CSNK1E: variants seen among roughly 807,000 people sequenced by gnomAD.
CSNK1E encodes casein kinase 1 epsilon, also known as casein kinase I isoform epsilon.
CSNK1E carries 17 observed loss-of-function variants against 46.1 expected under a neutral mutation model. The ratio of observed to expected loss-of-function variants is 0.37; its 90% CI spans 0.25 to 0.55. The LOEUF (loss-of-function observed/expected upper bound fraction) is 0.55, where lower values mean the gene tolerates loss of function less well. Ranked by LOEUF, CSNK1E falls within the 20% of genes least tolerant of loss-of-function variation. The pLI is 0.82. For synonymous variants in CSNK1E, 241 were observed against 242.6 expected, an observed-to-expected ratio of 0.99 and a Z score of 0.06; for missense variants, 386 against 595.4, an observed-to-expected ratio of 0.65 and a Z score of 3.66.
rs1315927049 is a variant in CSNK1E, at chr22:38,317,162, C to G, written c.-15G>C. On this transcript the variant is annotated splice_region_variant and 5_prime_UTR_variant, in exon 1 of 11. Transcript: ENST00000396832. Reference sequence around the variant, plus strand: ...GCCCGCGGCCCCCCGATATTTACCCCGCCGGGAAGGCGCCGATGCCGGGCC... The same window carrying G: ...GCCCGCGGCCCCCCGATATTTACCCGGCCGGGAAGGCGCCGATGCCGGGCC... 1.3e-5 allele frequency: 2 copies of G among 151,374 alleles called. No homozygotes were observed. The highest frequency in any genetic ancestry group is 6.6e-5 in the Admixed American group (1 of 15,196). The allele number at this position is 151,374 out of a possible 1,614,324, so 9.4% of individuals were successfully genotyped here.
At chr22:38,292,957 A>G in intron 10 of CSNK1E, 1 of 423,908 alleles carries the variant, frequency 2.4e-6, no homozygotes, top group Non-Finnish European at 4.3e-6. Flanking sequence ...GCTGGGAACC[A>G]ACCTTCCAAA....
intron 1 of CSNK1E, among the ~76,000 whole-genome samples, chr22:38,316,380 C>G (rs1242120747): frequency 1.3e-5 from 2 of 152,184 alleles, no homozygotes; most frequent in Non-Finnish European, 2.9e-5. Flanking sequence ...TCTCCTCTCT[C>G]CAAATCCTTC....
In CSNK1E at chr22:38,293,296, G is replaced by A. The variant is rs532233715; in HGVS notation, c.1242C>T (p.Leu414=). Residue 414 remains leucine (L), a synonymous_variant, in exon 10 of 11, where the codon CTC becomes CTT. Transcript: ENST00000396832. ...CCAATGGGGGCTCTCCTCACTTCCC[G>A]AGATGGTCAAATGGCACACTTGTCT... is the stretch of plus-strand genomic sequence containing the variant. ...ASQTSVPFDH[L]GK The A allele has an allele frequency of 1.1e-4, 181 of 1,612,586 alleles. No homozygotes were observed. The East Asian group carries it at 3.3e-3, about 30-fold the overall frequency.
Position 38,298,277 on chromosome 22 carries a change from C to T in CSNK1E, c.885+509G>A. The T allele has an allele frequency of 8.6e-7, 1 of 1,164,356 alleles. No homozygotes were observed. The highest frequency in any genetic ancestry group is 1.1e-6 in the Non-Finnish European group (1 of 875,068). The allele number at this position is 1,164,356 out of a possible 1,614,324, so 72.1% of individuals were successfully genotyped here. ...GAGCTCTGGGTACGGCCGGCCAATG[C>T]TGCTCCCCACCCAACCCCACCCCTG... On this transcript the variant is annotated intron_variant, in intron 7 of 10. Transcript: ENST00000396832. The surrounding 1 kb of genome is among the most constrained non-coding windows in gnomAD (Gnocchi z 4.2).
At chr22:38,310,891 A>G (rs962738008) in intron 2 of CSNK1E, among the ~76,000 whole-genome samples, 2 of 152,208 alleles carry the variant, frequency 1.3e-5, no homozygotes, top group Non-Finnish European at 2.9e-5. Context: ...ATGTGGCCAG[A>G]GTGTTGAATA....
chr22:38,315,433 T>C (rs539155622), intron 1 of CSNK1E, among the ~76,000 whole-genome samples: 8 of 152,282 alleles, frequency 5.3e-5, no homozygotes, highest in African/African-American at 1.9e-4. Flanking sequence ...CTGGCCAAAC[T>C]CTGGGCTCTC....
chr22:38,303,623 C>G lies in CSNK1E; in HGVS notation c.77-375G>C, dbSNP rs539043703. On this transcript the variant is annotated intron_variant, in intron 2 of 10. Transcript: ENST00000396832. The surrounding 1 kb of genome is among the most constrained non-coding windows in gnomAD (Gnocchi z 4.7). ...GGTCTGTCGGGTTGAGATGGTGGCA[C>G]GTGCAGAAGAGGCCCAATGGGGCTG... is the stretch of plus-strand genomic sequence containing the variant. Among the ~76,000 whole-genome samples the G allele has an allele frequency of 5.1e-4, 77 of 152,292 alleles. No homozygotes were observed. Among genetic ancestry groups the G allele is most frequent in the African/African-American group, 1.8e-3 (74 of 41,550 alleles).
intron 2 of CSNK1E, among the ~76,000 whole-genome samples, chr22:38,305,673 A>G (rs955384903): frequency 3.3e-5 from 5 of 152,166 alleles, no homozygotes; most frequent in Admixed American, 2.0e-4. Context: ...AGCCTTACTC[A>G]TAGGGAAAGA....
At chr22:38,297,369 C>T (rs147970385) in intron 7 of CSNK1E, among the ~76,000 whole-genome samples, 1 of 152,368 alleles carries the variant, frequency 6.6e-6, no homozygotes, top group Non-Finnish European at 1.5e-5. Flanking sequence ...CTGCCCATAT[C>T]CCATTTCCAG....
rs1368976160 is a variant in CSNK1E at position 38,303,338 on chromosome 22, T to C, written c.77-90A>G. On this transcript the variant is annotated intron_variant, in intron 2 of 10. Coordinates refer to ENST00000396832, the MANE Select transcript of CSNK1E (RefSeq NM_152221.3). This position sits in a 1 kb window ranked among gnomAD's most constrained non-coding sequence, Gnocchi z 4.7. ...CACTAAGCATTTCTGAGATCTGGCG[T>C]GTGCCGGGCCCGGGGCCATCTGCCC... The C allele has an allele frequency of 2.6e-6, 3 of 1,159,614 alleles. No homozygotes were observed. The highest frequency in any genetic ancestry group is 1.5e-5 in the African/African-American group (1 of 65,112). 71.8% of individuals were successfully genotyped at this position (1,159,614 alleles called of 1,614,324 possible). A position where few individuals can be genotyped will look rare whatever the true frequency, so the allele number is the denominator to read the frequency against.
In CSNK1E at chr22:38,314,068, C is replaced by A. The variant is rs2092732803; in HGVS notation, c.76+14G>T. Reference sequence around the variant, plus strand: ...CTGGCCCCAGGGGCTCCAGCTGGAGCTAGGAACACTTACCCAGGTAGATAT... The same window carrying A: ...CTGGCCCCAGGGGCTCCAGCTGGAGATAGGAACACTTACCCAGGTAGATAT... On this transcript the variant is annotated intron_variant, in intron 2 of 10. Coordinates refer to ENST00000396832, the MANE Select transcript of CSNK1E (RefSeq NM_152221.3). The A allele has an allele frequency of 1.9e-6, 3 of 1,611,874 alleles. No individual in the cohort carries two copies. In the African/African-American group the frequency reaches 4.0e-5, roughly 22 times the overall value.
At chr22:38,305,134 A>G (rs893427546) in intron 2 of CSNK1E, among the ~76,000 whole-genome samples, 12 of 144,918 alleles carry the variant, frequency 8.3e-5, no homozygotes, top group Non-Finnish European at 1.8e-4. Context: ...AAAAAAAAAA[A>G]AAAAAAAAAA....
In CSNK1E at chr22:38,291,687, T is replaced by C. The variant is rs113908050; in HGVS notation, c.*284A>G. On this transcript the variant is annotated 3_prime_UTR_variant, in exon 11 of 11. Coordinates refer to ENST00000396832, the MANE Select transcript of CSNK1E (RefSeq NM_152221.3). The stretch of plus-strand genomic sequence containing the variant: ...CAGGAACAGGAGGCCGGGCAGGCCC[T>C]GGCGTCTGGCTCCTGTAGCCTGGTG... 0.026 allele frequency: 3,900 copies of C among 152,362 alleles called. 74 individuals carry two copies. The highest frequency in any genetic ancestry group is 0.038 in the Non-Finnish European group (2,603 of 68,070). 9.4% of individuals were successfully genotyped at this position (152,362 alleles called of 1,614,324 possible).
intron 2 of CSNK1E, among the ~76,000 whole-genome samples, chr22:38,313,816 G>C (rs967340824): frequency 6.6e-6 from 1 of 152,204 alleles, no homozygotes; most frequent in Admixed American, 6.5e-5. Context: ...CAGCTGACCC[G>C]GGACACTGAG....
At position 38,314,185 on chromosome 22, in the gene CSNK1E, G is replaced by C. The variant is rs1039030142; in HGVS notation, c.-12-16C>G. 1.2e-6 allele frequency: 2 copies of C among 1,608,572 alleles called. No homozygotes were observed. Among genetic ancestry groups the C allele is most frequent in the Admixed American group, 3.3e-5 (2 of 60,004 alleles). ...CTCACTCTTGCTGCAGAGGAAGCAG[G>C]AACATGAGGGTCAGCGACGTGGGGA... On this transcript the variant is annotated splice_polypyrimidine_tract_variant and intron_variant, in intron 1 of 10. Coordinates refer to ENST00000396832, the MANE Select transcript of CSNK1E (RefSeq NM_152221.3).
intron 7 of CSNK1E, chr22:38,296,294 C>T: frequency 7.7e-7 from 1 of 1,305,938 alleles, no homozygotes; most frequent in South Asian, 2.0e-5. Flanking sequence ...GGACCTCTGT[C>T]CTTGGCTGTG....
intron 1 of CSNK1E, 198 bp downstream of exon 1, chr22:38,316,962 C>CCT (rs1277508025): frequency 6.6e-6 from 1 of 152,140 alleles, no homozygotes; most frequent in Non-Finnish European, 1.5e-5. Context: ...AGGCCCCCTC[C>CCT]TCCTCGTCCC....
rs373100204 is a variant in CSNK1E, at chr22:38,314,147, C to G, written c.11G>C (p.Arg4Pro). The G allele has an allele frequency of 1.2e-6, 2 of 1,614,072 alleles. No individual in the cohort carries two copies. The highest frequency in any genetic ancestry group is 8.5e-7 in the Non-Finnish European group (1 of 1,179,954). ...TCCCAGGCGGTACTTGTTCCCCACA[C>G]GTAGCTCCATGGCTCACTCTTGCTG... is the stretch of plus-strand genomic sequence containing the variant. MEL[R>P]VGNKYRLGRK... The change falls in exon 2 of 11, where the codon CGT becomes CCT. Residue 4 changes from arginine (R) to proline (P), a missense_variant. Arg to Pro is a moderately radical substitution (Grantham distance 103). Around this residue, in one of 2 missense-constraint regions of CSNK1E, gnomAD observed 212 missense variants for 410.2 expected, o/e 0.52. Transcript: ENST00000396832.
intron 7 of CSNK1E, chr22:38,296,807 G>A (rs1168115531): frequency 1.3e-5 from 16 of 1,273,318 alleles, no homozygotes; most frequent in Admixed American, 6.6e-5. Context: ...CTGCCTTGCC[G>A]GATGTGGTGG....
Sources: allele counts gnomAD v4.1 joint callset (sites outside exome capture counted in the v4.1 genomes callset), GRCh38; gene constraint gnomAD v4.1.1; regional missense constraint gnomAD v4.1.1; non-coding constraint Gnocchi (gnomAD v3.1); transcripts MANE v1.5; gene names NCBI Gene and HGNC (gene_info 2026-07-23, HGNC 2026-07-21).